NTM: variants seen among roughly 807,000 people sequenced by gnomAD.
NTM encodes IgLON family member 2.
In NTM, 13 loss-of-function variants were observed where a neutral mutation model predicts 42.1. The observed-to-expected ratio is 0.31, with a 90% CI of 0.20 to 0.49. The LOEUF (loss-of-function observed/expected upper bound fraction) is 0.49, where lower values mean the gene tolerates loss of function less well. NTM is among the 20% of genes least tolerant of loss of function. The pLI is 0.99. For missense variants in NTM, 373 were observed against 452.8 expected, an observed-to-expected ratio of 0.82 and a Z score of 1.60; for synonymous variants, 187 against 179.2, an observed-to-expected ratio of 1.04 and a Z score of -0.35.
intron 1 of NTM, among the ~76,000 whole-genome samples, chr11:131,566,761 T>C (rs1419584928): frequency 6.6e-6 from 1 of 152,194 alleles, no homozygotes; most frequent in Admixed American, 6.5e-5. Context: ...GTTGTATTTT[T>C]ATTAAGCTGT....
At chr11:131,448,000 C>T (rs192084529) in intron 1 of NTM, among the ~76,000 whole-genome samples, 239 of 152,346 alleles carry the variant, frequency 1.6e-3, no homozygotes, top group African/African-American at 4.8e-3. Context: ...TAAGATGAAA[C>T]CTAGAAAGCT....
In NTM at chr11:131,776,458, C is replaced by T. The variant is rs986213373; in HGVS notation, c.83-135106C>T. Among the ~76,000 whole-genome samples the T allele has an allele frequency of 5.9e-5, 9 of 152,162 alleles. No individual in the cohort carries two copies. The South Asian group carries it at 6.2e-4, about 11-fold the overall frequency. ...CAGTAGGCACTTGGTCTGCCTTCCA[C>T]GTTAACAAGGGTGACAGTTTTACCA... On this transcript the variant is annotated intron_variant, in intron 1 of 8. Transcript: ENST00000683400.
At chr11:131,818,410 G>T (rs73579948) in intron 1 of NTM, among the ~76,000 whole-genome samples, 2 of 152,042 alleles carry the variant, frequency 1.3e-5, no homozygotes, top group Non-Finnish European at 2.9e-5. Context: ...CCTGGAAGAG[G>T]GACTATATCC....
intron 2 of NTM, among the ~76,000 whole-genome samples, chr11:132,025,094 G>C (rs1361173785): frequency 1.3e-5 from 2 of 152,190 alleles, no homozygotes; most frequent in Non-Finnish European, 2.9e-5. Context: ...ATGGGATTCA[G>C]CTACAGAGGG....
chr11:131,798,971 C>T (rs118049576), intron 1 of NTM, among the ~76,000 whole-genome samples: 18 of 152,282 alleles, frequency 1.2e-4, no homozygotes, highest in Non-Finnish European at 2.2e-4. Context: ...GCATTTCCAG[C>T]AATTAGCTCA....
At chr11:131,926,610 T>C (rs1186152312) in intron 2 of NTM, among the ~76,000 whole-genome samples, 4 of 152,120 alleles carry the variant, frequency 2.6e-5, no homozygotes, top group Non-Finnish European at 4.4e-5. Flanking sequence ...AAGTGCTCTT[T>C]CCATGTCAAG....
chr11:131,548,099 T>C (rs1375346886), intron 1 of NTM, among the ~76,000 whole-genome samples: 1 of 152,204 alleles, frequency 6.6e-6, no homozygotes, highest in African/African-American at 2.4e-5. Context: ...AACTGTGAAA[T>C]AGGGATAATA....
At chr11:131,911,000 C>G (rs114071488) in intron 1 of NTM, 6 of 999,562 alleles carry the variant, frequency 6.0e-6, no homozygotes, top group Non-Finnish European at 7.2e-6. Context: ...AGCCCGGCTC[C>G]GAAACTTACA....
At position 131,884,496 on chromosome 11, in the gene NTM, G is replaced by A. The variant is rs577065717; in HGVS notation, c.83-27068G>A. 4.6e-5 allele frequency among the ~76,000 whole-genome samples: 7 copies of A among 152,320 alleles called. No individual in the cohort carries two copies. In the East Asian group the frequency reaches 9.6e-4, roughly 21 times the overall value. On this transcript the variant is annotated intron_variant, in intron 1 of 8. Coordinates refer to ENST00000683400, the MANE Select transcript of NTM (RefSeq NM_001352005.2). ...ATTCCCAGGTCTCATAGCTAGAATA[G>A]GGCAGAGCTGAGGTTTGTGGCTCCA... is the stretch of plus-strand genomic sequence containing the variant.
chr11:132,237,958 A>G (rs2089390804), intron 4 of NTM, among the ~76,000 whole-genome samples: 1 of 152,046 alleles, frequency 6.6e-6, no homozygotes, highest in African/African-American at 2.4e-5. Context: ...CTCCATTACC[A>G]TTATCACCGG....
At chr11:132,009,964 C>T (rs561661874) in intron 2 of NTM, among the ~76,000 whole-genome samples, 13 of 152,184 alleles carry the variant, frequency 8.5e-5, no homozygotes, top group Non-Finnish European at 1.8e-4. Context: ...CTCAAATGGC[C>T]GTGGAAGGTC....
intron 4 of NTM, among the ~76,000 whole-genome samples, chr11:132,246,430 C>T (rs1442471425): frequency 1.3e-5 from 2 of 152,192 alleles, no homozygotes; most frequent in African/African-American, 4.8e-5. Flanking sequence ...CACCGCACGG[C>T]CACAGATTAA....
intron 1 of NTM, among the ~76,000 whole-genome samples, chr11:131,723,561 A>G (rs956585): frequency 0.19 from 28,694 of 151,858 alleles, 3,300 homozygotes; most frequent in East Asian, 0.4. Flanking sequence ...CCTTCCATCC[A>G]TCTTTCTTTC....
chr11:131,722,264 C>T (rs1200891493), intron 1 of NTM, among the ~76,000 whole-genome samples: 1 of 152,140 alleles, frequency 6.6e-6, no homozygotes, highest in East Asian at 1.9e-4. Flanking sequence ...AACCATCTCA[C>T]TACACTTAGA....
At chr11:131,723,512 C>T (rs538166223) in intron 1 of NTM, among the ~76,000 whole-genome samples, 5 of 152,262 alleles carry the variant, frequency 3.3e-5, no homozygotes, top group African/African-American at 1.2e-4. Flanking sequence ...TTTGTCCTTC[C>T]CTCCCTCCCT....
intron 4 of NTM, among the ~76,000 whole-genome samples, chr11:132,276,104 T>C (rs1047562328): frequency 6.6e-6 from 1 of 152,134 alleles, no homozygotes; most frequent in Non-Finnish European, 1.5e-5. Context: ...TATTTGTCAT[T>C]CTGTGTCTGG....
In NTM at chr11:132,196,935, A is replaced by G. The variant is rs116666710; in HGVS notation, c.401-15087A>G. On this transcript the variant is annotated intron_variant, in intron 3 of 8. Coordinates refer to ENST00000683400, the MANE Select transcript of NTM (RefSeq NM_001352005.2). ...CATGTACTCCCTGAAGCTGACATAA[A>G]AGCCAAGAGAAAAAAAGAAAATAAA... 5.2e-3 allele frequency among the ~76,000 whole-genome samples: 786 copies of G among 152,330 alleles called. 8 individuals carry two copies. The highest frequency in any genetic ancestry group is 0.018 in the African/African-American group (758 of 41,578).
chr11:131,837,216 A>G (rs191791784), intron 1 of NTM, among the ~76,000 whole-genome samples: 1 of 152,284 alleles, frequency 6.6e-6, no homozygotes, highest in East Asian at 1.9e-4. Flanking sequence ...ATGCATTTCC[A>G]CACAGGCATC....
At chr11:131,819,080 A>G (rs909653674) in intron 1 of NTM, among the ~76,000 whole-genome samples, 13 of 152,176 alleles carry the variant, frequency 8.5e-5, no homozygotes, top group African/African-American at 2.4e-4. Context: ...AAATTCTGGC[A>G]GGGGTGAGAC....
Sources: allele counts gnomAD v4.1 joint callset (sites outside exome capture counted in the v4.1 genomes callset), GRCh38; gene constraint gnomAD v4.1.1; transcripts MANE v1.5; gene names NCBI Gene and HGNC (gene_info 2026-07-23, HGNC 2026-07-21).